TAFA2: variants seen among roughly 807,000 people sequenced by gnomAD.
TAFA2 encodes chemokine-like protein TAFA-2.
Under a neutral mutation model 18.8 loss-of-function variants are expected in TAFA2, and 7 were observed. The observed-to-expected ratio is 0.37, with a 90% CI of 0.21 to 0.70. TAFA2 has a LOEUF of 0.70. TAFA2 is among the 30% of genes least tolerant of loss of function. TAFA2 has a pLI of 0.53. For missense variants in TAFA2, 122 were observed against 158.1 expected (o/e 0.77, Z 1.23); for synonymous variants, 60 against 54.2 (o/e 1.11, Z -0.47).
At chr12:61,840,463 C>T (rs981157939) in intron 2 of TAFA2, among the ~76,000 whole-genome samples, 2 of 151,608 alleles carry the variant, frequency 1.3e-5, no homozygotes, top group South Asian at 2.1e-4. Flanking sequence ...ATTAAATATC[C>T]ACCTCCATTG....
intron 1 of TAFA2, among the ~76,000 whole-genome samples, chr12:62,039,836 A>C (rs1328807948): frequency 2.0e-5 from 3 of 152,158 alleles, no homozygotes; most frequent in African/African-American, 7.2e-5. Context: ...TGGAGAACAG[A>C]CACATGAGCA....
intron 1 of TAFA2, among the ~76,000 whole-genome samples, chr12:61,979,558 G>A (rs1045909328): frequency 6.6e-6 from 1 of 152,030 alleles, no homozygotes; most frequent in Non-Finnish European, 1.5e-5. Context: ...AAGGAGTGAG[G>A]TAAAGTATAT....
At chr12:61,746,057 G>T (rs568201310) in intron 4 of TAFA2, among the ~76,000 whole-genome samples, 1 of 152,180 alleles carries the variant, frequency 6.6e-6, no homozygotes, top group African/African-American at 2.4e-5. Context: ...TGGTTTAGTT[G>T]TGTCCCCACC....
intron 1 of TAFA2, among the ~76,000 whole-genome samples, chr12:61,890,135 G>A (rs140851525): frequency 6.6e-5 from 10 of 152,336 alleles, no homozygotes; most frequent in Non-Finnish European, 1.2e-4. Flanking sequence ...TTTTTAGGCA[G>A]CCTTTGCTGC....
chr12:62,109,008 CT>C (rs1869597754), intron 1 of TAFA2, among the ~76,000 whole-genome samples: 1 of 152,132 alleles, frequency 6.6e-6, no homozygotes, highest in Non-Finnish European at 1.5e-5. Flanking sequence ...TCAATTTTGG[CT>C]TTTGTTGCCA....
chr12:61,939,327 G>C (rs368431852), intron 1 of TAFA2, among the ~76,000 whole-genome samples: 2 of 152,156 alleles, frequency 1.3e-5, no homozygotes, highest in African/African-American at 4.8e-5. Context: ...TGACTGGTTA[G>C]ATTTCTACTC....
At chr12:62,181,520 A>G (rs796617306) in intron 1 of TAFA2, among the ~76,000 whole-genome samples, 39 of 152,364 alleles carry the variant, frequency 2.6e-4, no homozygotes, top group African/African-American at 9.4e-4. Context: ...ATTTAATAGC[A>G]TGACTATTAC....
chr12:61,746,609 C>T (rs1485621375), intron 4 of TAFA2, among the ~76,000 whole-genome samples: 2 of 152,194 alleles, frequency 1.3e-5, no homozygotes, highest in East Asian at 3.9e-4. Context: ...CTACACTGTG[C>T]CTGGACATCT....
intron 1 of TAFA2, among the ~76,000 whole-genome samples, chr12:62,030,945 G>A (rs1022347671): frequency 6.6e-6 from 1 of 152,120 alleles, no homozygotes; most frequent in Admixed American, 6.5e-5. Flanking sequence ...TAGAGGAGGT[G>A]TGGCCTTAAT....
intron 1 of TAFA2, among the ~76,000 whole-genome samples, chr12:62,028,787 T>C (rs1041544092): frequency 1.8e-4 from 28 of 152,118 alleles, no homozygotes; most frequent in Non-Finnish European, 3.4e-4. Context: ...AAATCAACTT[T>C]ATTAGTCAGA....
chr12:61,832,354 A>G (rs1212321887), intron 2 of TAFA2, among the ~76,000 whole-genome samples: 11 of 152,062 alleles, frequency 7.2e-5, no homozygotes, highest in African/African-American at 2.7e-4. Context: ...AAGCCAGAAG[A>G]GAAATCACTT....
intron 1 of TAFA2, among the ~76,000 whole-genome samples, chr12:62,232,736 T>G (rs1229705800): frequency 6.6e-6 from 1 of 152,014 alleles, no homozygotes; most frequent in Non-Finnish European, 1.5e-5. Context: ...GGTCTTGAAC[T>G]CCTGATTTCA....
intron 2 of TAFA2, among the ~76,000 whole-genome samples, chr12:61,810,604 T>C (rs1871825728): frequency 6.6e-6 from 1 of 151,156 alleles, no homozygotes; most frequent in Non-Finnish European, 1.5e-5. Flanking sequence ...ATTTATAGTC[T>C]TTTCCATGTT....
intron 1 of TAFA2, among the ~76,000 whole-genome samples, chr12:62,201,316 C>G (rs1040204174): frequency 3.9e-5 from 6 of 152,036 alleles, no homozygotes; most frequent in African/African-American, 1.4e-4. Context: ...TTGTCTTATG[C>G]TGGTTAAAAG....
chr12:61,969,933 C>T (rs1314293909), intron 1 of TAFA2, among the ~76,000 whole-genome samples: 4 of 151,518 alleles, frequency 2.6e-5, no homozygotes, highest in South Asian at 4.1e-4. Flanking sequence ...CTAAAGCAAA[C>T]GGCAAGTGAA....
intron 2 of TAFA2, among the ~76,000 whole-genome samples, chr12:61,839,509 A>G (rs1461288111): frequency 1.3e-5 from 2 of 152,112 alleles, no homozygotes; most frequent in Non-Finnish European, 2.9e-5. Context: ...CTAGGTGCCC[A>G]TCAACAGTGG....
chr12:61,745,219 T>C (rs1868644552), intron 4 of TAFA2, among the ~76,000 whole-genome samples: 2 of 152,100 alleles, frequency 1.3e-5, no homozygotes, highest in African/African-American at 4.8e-5. Flanking sequence ...ACATAAAACT[T>C]GCTCTTCCCA....
At chr12:61,998,056 A>C (rs2136697213) in intron 1 of TAFA2, among the ~76,000 whole-genome samples, 1 of 152,068 alleles carries the variant, frequency 6.6e-6, no homozygotes. Context: ...AGGAGGGAAA[A>C]GAAAATCCTA....
intron 4 of TAFA2, among the ~76,000 whole-genome samples, chr12:61,743,458 C>T (rs1868551345): frequency 6.6e-6 from 1 of 152,084 alleles, no homozygotes; most frequent in Non-Finnish European, 1.5e-5. Context: ...ACGCATATTG[C>T]TCCTAGTGCT....
Sources: allele counts gnomAD v4.1 joint callset (sites outside exome capture counted in the v4.1 genomes callset), GRCh38; gene constraint gnomAD v4.1.1; transcripts MANE v1.5; gene names NCBI Gene and HGNC (gene_info 2026-07-23, HGNC 2026-07-21).